Variants in LOC400499 observed in about 807,000 individuals in gnomAD.
At chr16:11,445,153 G>A in the LOC400499 span, among the ~76,000 whole-genome samples, 49 of 151,862 alleles carry the variant, frequency 3.2e-4, no homozygotes, top group Non-Finnish European at 5.9e-4. Context: ...AGGGCAAGCT[G>A]GGTGCAGCGG....
chr16:11,430,249 G>A, the LOC400499 span, among the ~76,000 whole-genome samples: 20 of 152,272 alleles, frequency 1.3e-4, no homozygotes, highest in South Asian at 3.9e-3. Context: ...CACTTTGGGA[G>A]TGGAGGCAGA....
the LOC400499 span, among the ~76,000 whole-genome samples, chr16:11,480,183 C>T: frequency 1.3e-5 from 2 of 152,196 alleles, no homozygotes; most frequent in Non-Finnish European, 2.9e-5. Context: ...TTCATCACTG[C>T]ACTGATGCAG....
the LOC400499 span, chr16:11,450,573 G>A: frequency 2.0e-6 from 3 of 1,527,044 alleles, no homozygotes; most frequent in African/African-American, 1.4e-5. Context: ...CAGTGGCAGG[G>A]GACCAGACAT....
the LOC400499 span, among the ~76,000 whole-genome samples, chr16:11,470,448 C>T: frequency 6.6e-6 from 1 of 152,184 alleles, no homozygotes; most frequent in East Asian, 1.9e-4. Context: ...CATCTTCCCT[C>T]GGCCTTTCCT....
the LOC400499 span, among the ~76,000 whole-genome samples, chr16:11,497,516 C>G: frequency 6.6e-6 from 1 of 152,214 alleles, no homozygotes; most frequent in Non-Finnish European, 1.5e-5. Flanking sequence ...GGCGGGGGCA[C>G]AGACAGGGCA....
chr16:11,410,487 G>T, the LOC400499 span, among the ~76,000 whole-genome samples: 2 of 152,106 alleles, frequency 1.3e-5, no homozygotes, highest in Non-Finnish European at 2.9e-5. Flanking sequence ...AATAAATAAA[G>T]AAGTTCCCTG....
the LOC400499 span, among the ~76,000 whole-genome samples, chr16:11,451,850 G>A: frequency 2.6e-5 from 4 of 152,158 alleles, no homozygotes; most frequent in African/African-American, 7.2e-5. Flanking sequence ...GAGGAGCCGC[G>A]GAGTTGAGAA....
chr16:11,467,230 G>C, the LOC400499 span: 1 of 150,952 alleles, frequency 6.6e-6, no homozygotes, highest in Non-Finnish European at 1.5e-5. Flanking sequence ...TGGGATTACA[G>C]GCGTGAGCCA....
chr16:11,486,310 G>A, the LOC400499 span, among the ~76,000 whole-genome samples: 1 of 131,508 alleles, frequency 7.6e-6, no homozygotes, highest in Non-Finnish European at 1.6e-5. Flanking sequence ...TGGTACATGG[G>A]TAGACAGATG....
chr16:11,448,562 AC>A, the LOC400499 span, among the ~76,000 whole-genome samples: 1,340 of 8,508 alleles, frequency 0.16, 23 homozygotes, highest in African/African-American at 0.26. Context: ...AAACAAACAA[AC>A]AAACGTCAGT....
chr16:11,378,906 A>G, the LOC400499 span, among the ~76,000 whole-genome samples: 1 of 152,208 alleles, frequency 6.6e-6, no homozygotes, highest in African/African-American at 2.4e-5. Context: ...ACTGGTCTAT[A>G]GTATTGTTCA....
chr16:11,375,107 C>T, the LOC400499 span, among the ~76,000 whole-genome samples: 2 of 151,148 alleles, frequency 1.3e-5, no homozygotes, highest in Non-Finnish European at 2.9e-5. Context: ...CCCAGCTTCC[C>T]ATAGTGCTGG....
the LOC400499 span, among the ~76,000 whole-genome samples, chr16:11,473,465 C>G: frequency 0.34 from 51,759 of 151,906 alleles, 9,663 homozygotes; most frequent in African/African-American, 0.47. Flanking sequence ...TTATTATTAA[C>G]GAAGTTTCTC....
the LOC400499 span, among the ~76,000 whole-genome samples, chr16:11,447,115 A>C: frequency 6.6e-6 from 1 of 152,246 alleles, no homozygotes; most frequent in East Asian, 1.9e-4. Flanking sequence ...ACTGTGCCAG[A>C]GAAGTGGGCA....
the LOC400499 span, among the ~76,000 whole-genome samples, chr16:11,464,121 C>T: frequency 1.3e-5 from 2 of 151,458 alleles, no homozygotes; most frequent in South Asian, 2.1e-4. Flanking sequence ...TGTGGATGTT[C>T]GTGTATGTAA....
the LOC400499 span, chr16:11,396,575 T>A: frequency 5.7e-6 from 7 of 1,232,102 alleles, no homozygotes; most frequent in Non-Finnish European, 7.1e-6. Context: ...CAGGCTGAGA[T>A]GCAGGCCGTG....
At chr16:11,477,724 C>T in the LOC400499 span, 1 of 396,760 alleles carries the variant, frequency 2.5e-6, no homozygotes, top group Non-Finnish European at 4.4e-6. Flanking sequence ...AATAGGGATC[C>T]TCTCTTACCC....
At chr16:11,495,073 G>A in the LOC400499 span, among the ~76,000 whole-genome samples, 2 of 152,120 alleles carry the variant, frequency 1.3e-5, no homozygotes, top group Admixed American at 1.3e-4. Flanking sequence ...GCCGAGCATG[G>A]TGGTGTGTGC....
At chr16:11,394,291 G>C in the LOC400499 span, among the ~76,000 whole-genome samples, 1 of 152,226 alleles carries the variant, frequency 6.6e-6, no homozygotes, top group Non-Finnish European at 1.5e-5. Flanking sequence ...AGTCTAGAAT[G>C]GGGTGGGAAA....
Sources: gnomAD v4.1 joint callset for allele counts (sites outside exome capture counted in the v4.1 genomes callset) on GRCh38, gnomAD v4.1.1 for gene constraint, MANE v1.5 for transcripts.